Variants in PTPRT observed in about 807,000 individuals in gnomAD.
PTPRT encodes protein tyrosine phosphatase receptor type T, also known as receptor-type tyrosine-protein phosphatase T.
In PTPRT, 56 loss-of-function variants were observed where a neutral mutation model predicts 176.8. That is an observed-to-expected ratio of 0.32 (90% confidence interval 0.26 to 0.40). The LOEUF is 0.40. Among genes scored for constraint, PTPRT ranks in the 10% least tolerant of loss-of-function variants. The pLI, the probability that PTPRT is intolerant of heterozygous loss-of-function variation, is 1.00. For missense variants in PTPRT, 1,540 were observed against 1,908.2 expected, an observed-to-expected ratio of 0.81 and a Z score of 3.60; for synonymous variants, 783 against 739.0, an observed-to-expected ratio of 1.06 and a Z score of -0.96.
chr20:42,558,339 A>C (rs902877537), intron 7 of PTPRT, among the ~76,000 whole-genome samples: 1 of 152,162 alleles, frequency 6.6e-6, no homozygotes, highest in African/African-American at 2.4e-5. Context: ...TGTATGGTAC[A>C]TGTACCATGT....
At chr20:42,528,128 T>C (rs2072311171) in intron 7 of PTPRT, among the ~76,000 whole-genome samples, 11 of 152,202 alleles carry the variant, frequency 7.2e-5, no homozygotes, top group Admixed American at 7.2e-4. Context: ...TCCTGGAACA[T>C]GTTATGCTTC....
At chr20:42,434,366 G>A (rs2059242782) in intron 9 of PTPRT, among the ~76,000 whole-genome samples, 1 of 152,062 alleles carries the variant, frequency 6.6e-6, no homozygotes, top group South Asian at 2.1e-4. Context: ...ACCCTATTTT[G>A]TGCCAGGATC....
At chr20:43,023,122 A>G (rs1985768902) in intron 1 of PTPRT, among the ~76,000 whole-genome samples, 1 of 152,230 alleles carries the variant, frequency 6.6e-6, no homozygotes, top group Non-Finnish European at 1.5e-5. Context: ...GACCAGAAGT[A>G]TGAATCTGTG....
At chr20:42,721,971 G>T (rs1283993082) in intron 6 of PTPRT, among the ~76,000 whole-genome samples, 2 of 152,112 alleles carry the variant, frequency 1.3e-5, no homozygotes, top group Admixed American at 1.3e-4. Context: ...TACTCTGCTG[G>T]GGCCACTTTG....
intron 27 of PTPRT, among the ~76,000 whole-genome samples, chr20:42,091,803 GA>G (rs1984648121): frequency 6.6e-6 from 1 of 152,272 alleles, no homozygotes; most frequent in East Asian, 1.9e-4. Context: ...GAGGGAGAGA[GA>G]GGGGGGAGAG....
intron 7 of PTPRT, among the ~76,000 whole-genome samples, chr20:42,669,040 G>C (rs1400195938): frequency 7.9e-5 from 12 of 151,848 alleles, no homozygotes; most frequent in Admixed American, 7.9e-4. Flanking sequence ...TCAATCAGAG[G>C]CTCCATAACC....
chr20:42,314,587 C>T (rs191078480), intron 12 of PTPRT, among the ~76,000 whole-genome samples: 16 of 150,336 alleles, frequency 1.1e-4, no homozygotes, highest in South Asian at 2.1e-4. Flanking sequence ...AATATGACCA[C>T]CTTGATGGAA....
At chr20:42,167,195 G>T (rs773574942) in intron 16 of PTPRT, among the ~76,000 whole-genome samples, 1 of 152,170 alleles carries the variant, frequency 6.6e-6, no homozygotes, top group Non-Finnish European at 1.5e-5. Context: ...TGATGAATTT[G>T]TGCATAATGT....
At chr20:43,052,410 C>T (rs1987083697) in intron 1 of PTPRT, among the ~76,000 whole-genome samples, 1 of 152,190 alleles carries the variant, frequency 6.6e-6, no homozygotes, top group African/African-American at 2.4e-5. Context: ...TTGGTGTGTG[C>T]CATGTACCAT....
At chr20:43,111,546 G>GA (rs11424029) in intron 1 of PTPRT, among the ~76,000 whole-genome samples, 20,952 of 83,030 alleles carry the variant, frequency 0.25, 2,363 homozygotes, top group Non-Finnish European at 0.29. Context: ...TCCGTCTCAG[G>GA]AAAAAAAAAA....
intron 2 of PTPRT, among the ~76,000 whole-genome samples, chr20:42,855,470 C>T (rs903326574): frequency 2.1e-5 from 3 of 143,720 alleles, no homozygotes; most frequent in Admixed American, 1.4e-4. Flanking sequence ...AGTCTCACTC[C>T]ACCCAGGCTG....
At chr20:42,117,034 T>C (rs948720819) in intron 21 of PTPRT, among the ~76,000 whole-genome samples, 2 of 151,982 alleles carry the variant, frequency 1.3e-5, no homozygotes, top group Admixed American at 1.3e-4. Context: ...GGAATCAGAG[T>C]CCAGCGTCAG....
At chr20:42,902,686 G>T (rs1600540138) in intron 1 of PTPRT, among the ~76,000 whole-genome samples, 1 of 152,300 alleles carries the variant, frequency 6.6e-6, no homozygotes, top group South Asian at 2.1e-4. Context: ...ACAAGATTTT[G>T]CAAAATTGGA....
intron 2 of PTPRT, among the ~76,000 whole-genome samples, chr20:42,806,886 C>G (rs2077617718): frequency 6.6e-6 from 1 of 152,234 alleles, no homozygotes; most frequent in Admixed American, 6.5e-5. Flanking sequence ...CTCTCTGTCA[C>G]TCACTGCCTG....
At chr20:42,353,824 G>A (rs1221919398) in intron 9 of PTPRT, among the ~76,000 whole-genome samples, 1 of 152,178 alleles carries the variant, frequency 6.6e-6, no homozygotes, top group Non-Finnish European at 1.5e-5. Context: ...CAAGGTGAGA[G>A]GATTGCTAGA....
At chr20:42,565,758 G>A (rs544682027) in intron 7 of PTPRT, among the ~76,000 whole-genome samples, 1 of 152,130 alleles carries the variant, frequency 6.6e-6, no homozygotes, top group Non-Finnish European at 1.5e-5. Flanking sequence ...ATTGGTGTGG[G>A]AGCCGGGGCA....
chr20:42,636,267 A>C (rs1337433629), intron 7 of PTPRT, among the ~76,000 whole-genome samples: 8 of 152,278 alleles, frequency 5.3e-5, no homozygotes, highest in African/African-American at 1.9e-4. Context: ...ATTTAAACTT[A>C]GTATCATGGA....
intron 9 of PTPRT, among the ~76,000 whole-genome samples, chr20:42,410,781 A>G (rs2059007514): frequency 6.6e-6 from 1 of 152,188 alleles, no homozygotes; most frequent in Admixed American, 6.5e-5. Context: ...TATCTGAAAA[A>G]TTCCCCAATA....
intron 9 of PTPRT, among the ~76,000 whole-genome samples, chr20:42,441,150 G>A (rs957667008): frequency 4.6e-5 from 7 of 152,176 alleles, no homozygotes; most frequent in South Asian, 2.1e-4. Context: ...AGTCTGTTGC[G>A]GGCCTGGGTG....
Sources: gnomAD v4.1 joint callset for allele counts (sites outside exome capture counted in the v4.1 genomes callset) on GRCh38, gnomAD v4.1.1 for gene constraint, MANE v1.5 for transcripts, NCBI Gene and HGNC (gene_info 2026-07-23, HGNC 2026-07-21) for gene names.